SLC35F1: variants seen among roughly 807,000 people sequenced by gnomAD.
The protein encoded by SLC35F1 is chromosome 6 open reading frame 169.
Under a neutral mutation model 48.7 loss-of-function variants are expected in SLC35F1, and 14 were observed. That is an observed-to-expected ratio of 0.29 (90% CI 0.19 to 0.45). SLC35F1 has a LOEUF of 0.45. Ranked by LOEUF, SLC35F1 falls within the 20% of genes least tolerant of loss-of-function variation. SLC35F1 has a pLI of 1.00. For synonymous variants in SLC35F1, 190 were observed against 202.2 expected, an observed-to-expected ratio of 0.94 and a Z score of 0.51; for missense variants, 404 against 500.0, an observed-to-expected ratio of 0.81 and a Z score of 1.83.
intron 1 of SLC35F1, among the ~76,000 whole-genome samples, chr6:117,927,945 G>A (rs1776050429): frequency 6.6e-6 from 1 of 152,132 alleles, no homozygotes; most frequent in South Asian, 2.1e-4. Context: ...GCCAGAGTTT[G>A]AAAGAAAAGA....
Position 117,923,747 on chromosome 6 carries a change from G to GTACATATGTACATATATGTATATA in SLC35F1, c.173+15855_173+15856insGTACATATATGTATATATACATAT, listed in dbSNP as rs1775967167. ...TATACATATGTATATATACATATATGTACATATATACATATGCACATACAT... is the reference window on the plus strand; with the variant it reads ...TATACATATGTATATATACATATATGTACATATGTACATATATGTATATATACATATATACATATGCACATACAT... On this transcript the variant is annotated intron_variant, in intron 1 of 7. Coordinates refer to ENST00000360388, the MANE Select transcript of SLC35F1 (RefSeq NM_001029858.4). 3.7e-5 allele frequency among the ~76,000 whole-genome samples: 2 copies of GTACATATGTACATATATGTATATA among 54,430 alleles called. 1 individual carries two copies. Among genetic ancestry groups the GTACATATGTACATATATGTATATA allele is most frequent in the Non-Finnish European group, 8.8e-5 (2 of 22,688 alleles). The allele number at this position is 54,430 out of a possible 152,430, so 35.7% of individuals were successfully genotyped here.
chr6:117,923,808 C>T (rs1327047156), intron 1 of SLC35F1, among the ~76,000 whole-genome samples: 1 of 44,632 alleles, frequency 2.2e-5, no homozygotes, highest in African/African-American at 7.0e-5. Flanking sequence ...TATACATATA[C>T]ACATACATAT....
Position 118,261,884 on chromosome 6 carries a change from A to G in SLC35F1, c.478-5111A>G, listed in dbSNP as rs370975845. ...CCAGCAGTTGCCCGAAGCCCCTGGTAGCATTGCTAAGGGGAGACAGCCCCC... is the reference window on the plus strand; with the variant it reads ...CCAGCAGTTGCCCGAAGCCCCTGGTGGCATTGCTAAGGGGAGACAGCCCCC... On this transcript the variant is annotated intron_variant, in intron 3 of 7. Transcript: ENST00000360388. Among the ~76,000 whole-genome samples the G allele has an allele frequency of 8.5e-5, 13 of 152,110 alleles. 1 individual carries two copies. In the East Asian group the frequency reaches 2.3e-3, roughly 27 times the overall value.
intron 2 of SLC35F1, among the ~76,000 whole-genome samples, chr6:118,178,403 G>A (rs1774524560): frequency 1.3e-5 from 2 of 152,022 alleles, no homozygotes; most frequent in Admixed American, 6.6e-5. Flanking sequence ...TGTATTCAAT[G>A]CAGCTGACCA....
chr6:118,045,376 T>C (rs1382637637), intron 1 of SLC35F1, among the ~76,000 whole-genome samples: 3 of 152,292 alleles, frequency 2.0e-5, no homozygotes. Context: ...ACTAGATATA[T>C]GCTGTTTATG....
chr6:118,219,500 A>C (rs1029551822), intron 2 of SLC35F1, among the ~76,000 whole-genome samples: 1 of 152,208 alleles, frequency 6.6e-6, no homozygotes, highest in African/African-American at 2.4e-5. Context: ...ATCATTAAAA[A>C]GTCAGGAAAC....
intron 1 of SLC35F1, among the ~76,000 whole-genome samples, chr6:117,958,964 C>T (rs537901990): frequency 2.6e-5 from 4 of 152,268 alleles, no homozygotes; most frequent in Non-Finnish European, 5.9e-5. Flanking sequence ...GTTACCGTAA[C>T]TGTGGAATTC....
chr6:117,942,113 A>G (rs1256998103), intron 1 of SLC35F1, among the ~76,000 whole-genome samples: 1 of 152,190 alleles, frequency 6.6e-6, no homozygotes, highest in African/African-American at 2.4e-5. Context: ...TTGCAGTATC[A>G]CATCTTTTTA....
At chr6:118,207,549 C>T (rs961998936) in intron 2 of SLC35F1, among the ~76,000 whole-genome samples, 2 of 152,054 alleles carry the variant, frequency 1.3e-5, no homozygotes, top group African/African-American at 4.8e-5. Context: ...AGAACAAAGT[C>T]GTAGACATCA....
chr6:117,931,677 G>A (rs930194096), intron 1 of SLC35F1, among the ~76,000 whole-genome samples: 4 of 152,192 alleles, frequency 2.6e-5, no homozygotes, highest in Non-Finnish European at 4.4e-5. Context: ...AGGGTGGAGT[G>A]TGTCAAGGCT....
intron 1 of SLC35F1, among the ~76,000 whole-genome samples, chr6:118,027,869 G>A (rs950248881): frequency 1.3e-5 from 2 of 152,090 alleles, no homozygotes; most frequent in African/African-American, 2.4e-5. Context: ...GATCGGGCAT[G>A]TTCAGGGTGG....
At chr6:118,086,994 G>A (rs944754745) in intron 1 of SLC35F1, among the ~76,000 whole-genome samples, 2 of 152,174 alleles carry the variant, frequency 1.3e-5, no homozygotes, top group Non-Finnish European at 2.9e-5. Context: ...TGGTCTACAT[G>A]TCTGACTGTG....
intron 1 of SLC35F1, among the ~76,000 whole-genome samples, chr6:118,133,005 G>A (rs1773738745): frequency 6.6e-6 from 1 of 152,180 alleles, no homozygotes; most frequent in South Asian, 2.1e-4. Context: ...AAGGAAGAGG[G>A]TTGACAGCTG....
At chr6:118,024,199 T>G (rs1777434411) in intron 1 of SLC35F1, among the ~76,000 whole-genome samples, 1 of 151,290 alleles carries the variant, frequency 6.6e-6, no homozygotes, top group South Asian at 2.1e-4. Flanking sequence ...CAGGGAGGAG[T>G]TGTGAGCCTC....
intron 1 of SLC35F1, among the ~76,000 whole-genome samples, chr6:118,087,135 G>A (rs1043882256): frequency 6.6e-6 from 1 of 152,028 alleles, no homozygotes; most frequent in African/African-American, 2.4e-5. Context: ...AGTTCTGGAG[G>A]GTAGAAGTTC....
chr6:117,989,834 A>G (rs1404476190), intron 1 of SLC35F1, among the ~76,000 whole-genome samples: 2 of 152,250 alleles, frequency 1.3e-5, no homozygotes, highest in African/African-American at 4.8e-5. Context: ...AACAAAGACT[A>G]GAGCAAAGCC....
At chr6:118,226,393 AAG>A (rs1775218487) in intron 2 of SLC35F1, among the ~76,000 whole-genome samples, 1 of 152,288 alleles carries the variant, frequency 6.6e-6, no homozygotes, top group South Asian at 2.1e-4. Context: ...CAATATATCA[AAG>A]AGTTATCTGC....
chr6:117,984,772 C>A (rs979556590), intron 1 of SLC35F1, among the ~76,000 whole-genome samples: 7 of 152,142 alleles, frequency 4.6e-5, no homozygotes, highest in Non-Finnish European at 1.0e-4. Flanking sequence ...TAACTCTAGG[C>A]AGTATGTGCA....
At chr6:117,914,504 A>C (rs1249609993) in intron 1 of SLC35F1, among the ~76,000 whole-genome samples, 1 of 152,168 alleles carries the variant, frequency 6.6e-6, no homozygotes, top group African/African-American at 2.4e-5. Flanking sequence ...AGATCTCCTC[A>C]CATTCATTGA....
Sources: gnomAD v4.1 joint callset for allele counts (sites outside exome capture counted in the v4.1 genomes callset) on GRCh38, gnomAD v4.1.1 for gene constraint, MANE v1.5 for transcripts, NCBI Gene and HGNC (gene_info 2026-07-23, HGNC 2026-07-21) for gene names.